CHST11: variants seen among roughly 807,000 people sequenced by gnomAD.
CHST11 encodes C4S-1.
Under a neutral mutation model 30.4 loss-of-function variants are expected in CHST11, and 9 were observed. The ratio of observed to expected loss-of-function variants is 0.30; its 90% CI spans 0.18 to 0.52. The LOEUF is 0.52. CHST11 is among the 20% of genes least tolerant of loss of function. CHST11 has a pLI of 0.97. For synonymous variants in CHST11, 152 were observed against 187.8 expected, an observed-to-expected ratio of 0.81 and a Z score of 1.56; for missense variants, 348 against 460.6, an observed-to-expected ratio of 0.76 and a Z score of 2.24.
intron 1 of CHST11, among the ~76,000 whole-genome samples, chr12:104,570,835 C>T (rs954169516): frequency 3.9e-5 from 6 of 151,928 alleles, no homozygotes; most frequent in East Asian, 3.9e-4. Flanking sequence ...GGATTACAGG[C>T]GCCTGTCACC....
intron 1 of CHST11, among the ~76,000 whole-genome samples, chr12:104,580,563 CTT>C (rs1390746605): frequency 6.6e-6 from 1 of 152,168 alleles, no homozygotes; most frequent in East Asian, 1.9e-4. Flanking sequence ...AAATATGTAA[CTT>C]AACTTTCAAC....
chr12:104,641,907 G>A (rs1016254771), intron 2 of CHST11, among the ~76,000 whole-genome samples: 4 of 152,144 alleles, frequency 2.6e-5, no homozygotes, highest in Admixed American at 6.5e-5. Flanking sequence ...TCTCAACCAG[G>A]GGGGATTTTG....
chr12:104,519,071 GGT>G (rs10628757), intron 1 of CHST11, among the ~76,000 whole-genome samples: 305 of 139,420 alleles, frequency 2.2e-3, no homozygotes, highest in Middle Eastern at 0.011. Flanking sequence ...GGACTCTTGA[GGT>G]GTGTGTGTGT....
chr12:104,737,717 T>A (rs2040313015), intron 2 of CHST11, among the ~76,000 whole-genome samples: 4 of 152,184 alleles, frequency 2.6e-5, no homozygotes, highest in Admixed American at 1.3e-4. Flanking sequence ...GTGGTTTTGA[T>A]GTTTTTCAAA....
At chr12:104,462,519 G>A (rs1485508240) in intron 1 of CHST11, among the ~76,000 whole-genome samples, 1 of 152,120 alleles carries the variant, frequency 6.6e-6, no homozygotes, top group African/African-American at 2.4e-5. Flanking sequence ...CAGGATGTCA[G>A]TCTGGTATTA....
chr12:104,460,226 A>G (rs975318384), intron 1 of CHST11, among the ~76,000 whole-genome samples: 3 of 152,212 alleles, frequency 2.0e-5, no homozygotes, highest in African/African-American at 7.2e-5. Flanking sequence ...GGACCACAGC[A>G]TGGCACGGAT....
intron 1 of CHST11, among the ~76,000 whole-genome samples, chr12:104,500,816 A>G (rs1488637314): frequency 6.6e-6 from 1 of 152,204 alleles, no homozygotes; most frequent in African/African-American, 2.4e-5. Flanking sequence ...TGTGAAAGAA[A>G]TAAGAACGGA....
chr12:104,685,174 A>G (rs1370102579), intron 2 of CHST11, among the ~76,000 whole-genome samples: 1 of 152,228 alleles, frequency 6.6e-6, no homozygotes, highest in East Asian at 1.9e-4. Flanking sequence ...GCAAAACCTC[A>G]TCTGTCTCAT....
chr12:104,623,151 G>A (rs901491500), intron 2 of CHST11, among the ~76,000 whole-genome samples: 1 of 152,204 alleles, frequency 6.6e-6, no homozygotes, highest in Non-Finnish European at 1.5e-5. Context: ...TCATCCACAG[G>A]GGTTCCCTGC....
chr12:104,478,594 G>A (rs7973993), intron 1 of CHST11, among the ~76,000 whole-genome samples: 18,545 of 152,192 alleles, frequency 0.12, 1,233 homozygotes, highest in South Asian at 0.19. Context: ...GATGTGGTCA[G>A]TTAGCTTCGG....
At chr12:104,699,204 T>G (rs1286901150) in intron 2 of CHST11, among the ~76,000 whole-genome samples, 1 of 152,222 alleles carries the variant, frequency 6.6e-6, no homozygotes, top group Non-Finnish European at 1.5e-5. Context: ...TTCTAACATA[T>G]ACTGAGATTG....
intron 1 of CHST11, among the ~76,000 whole-genome samples, chr12:104,507,109 G>A (rs898039216): frequency 6.6e-6 from 1 of 152,238 alleles, no homozygotes; most frequent in South Asian, 2.1e-4. Flanking sequence ...AAGGGTCTGA[G>A]CTGTGACGGT....
chr12:104,622,531 A>G (rs2039170164), intron 2 of CHST11, among the ~76,000 whole-genome samples: 1 of 152,170 alleles, frequency 6.6e-6, no homozygotes. Context: ...AGACAGTGCA[A>G]AGAGAAGGAA....
In CHST11 at chr12:104,558,428, A is replaced by G. The variant is rs569141269; in HGVS notation, c.119-43478A>G. ...AATGATGTTCATCTGAATTGTACCA[A>G]TTCCTGCAAATTGGAGGCCCCCATT... On this transcript the variant is annotated intron_variant, in intron 1 of 2. Transcript: ENST00000303694. 7.2e-5 allele frequency among the ~76,000 whole-genome samples: 11 copies of G among 151,950 alleles called. No homozygotes were observed. In the South Asian group the frequency reaches 1.5e-3, roughly 20 times the overall value.
chr12:104,483,450 C>A (rs1432736055), intron 1 of CHST11, among the ~76,000 whole-genome samples: 1 of 152,160 alleles, frequency 6.6e-6, no homozygotes, highest in Non-Finnish European at 1.5e-5. Flanking sequence ...AGGTGATCGG[C>A]CTGCCTCGGC....
intron 1 of CHST11, among the ~76,000 whole-genome samples, chr12:104,506,103 C>A (rs2037901745): frequency 6.6e-6 from 1 of 152,194 alleles, no homozygotes; most frequent in Non-Finnish European, 1.5e-5. Context: ...ACAAAAGTGA[C>A]TGTGGAAGGA....
At chr12:104,624,528 G>A (rs948558526) in intron 2 of CHST11, among the ~76,000 whole-genome samples, 3 of 22,484 alleles carry the variant, frequency 1.3e-4, no homozygotes, top group African/African-American at 5.9e-4. Context: ...AATGAATGAA[G>A]GGAAAAATGA....
intron 2 of CHST11, among the ~76,000 whole-genome samples, chr12:104,753,640 A>G (rs78877246): frequency 0.026 from 4,023 of 152,292 alleles, 97 homozygotes; most frequent in African/African-American, 0.058. Context: ...AAGGAAGAAT[A>G]TTCTGGAAGA....
intron 1 of CHST11, among the ~76,000 whole-genome samples, chr12:104,542,876 AC>A (rs2038299070): frequency 6.6e-6 from 1 of 152,206 alleles, no homozygotes; most frequent in Non-Finnish European, 1.5e-5. Context: ...AAGGGTTGTT[AC>A]CCTAAAGAGT....
Sources: gnomAD v4.1 joint callset for allele counts (sites outside exome capture counted in the v4.1 genomes callset) on GRCh38, gnomAD v4.1.1 for gene constraint, MANE v1.5 for transcripts, NCBI Gene and HGNC (gene_info 2026-07-23, HGNC 2026-07-21) for gene names.